The following FAM13B variants were observed in gnomAD, a reference collection of about 807,000 sequenced individuals.
FAM13B encodes family with sequence similarity 13 member B.
In FAM13B, 60 loss-of-function variants were observed where a neutral mutation model predicts 117.3. The observed-to-expected ratio is 0.51, with a 90% CI of 0.42 to 0.63. The LOEUF is 0.63. FAM13B is among the 30% of genes least tolerant of loss of function. The pLI, the probability that FAM13B is intolerant of heterozygous loss-of-function variation, is 0.00. For missense variants in FAM13B, 972 were observed against 1,091.9 expected (o/e 0.89, Z 1.55); for synonymous variants, 332 against 356.1 (o/e 0.93, Z 0.76).
intron 6 of FAM13B, among the ~76,000 whole-genome samples, chr5:138,009,625 C>T (rs1412396006): frequency 1.3e-5 from 2 of 151,866 alleles, no homozygotes; most frequent in African/African-American, 4.8e-5. Flanking sequence ...GCCAACATGG[C>T]GAAAGCCTGT....
At chr5:138,010,947 A>C in intron 6 of FAM13B, 61 bp downstream of exon 6, 2 of 1,350,282 alleles carry the variant, frequency 1.5e-6, no homozygotes, top group Non-Finnish European at 1.9e-6. Context: ...CTTTAAGAGC[A>C]TATTATTCTT....
At chr5:137,952,808 G>A (rs1430152854) in intron 16 of FAM13B, 99 bp from the exon 17 acceptor site, 4 of 683,260 alleles carry the variant, frequency 5.9e-6, no homozygotes, top group African/African-American at 1.8e-5. Context: ...AGCAAAGACT[G>A]CTCAATTCTC....
chr5:138,013,240 G>A (rs369588429), intron 4 of FAM13B, among the ~76,000 whole-genome samples: 14 of 151,786 alleles, frequency 9.2e-5, no homozygotes, highest in African/African-American at 2.4e-4. Context: ...GGTGGCTCAC[G>A]CCTGTAATCC....
chr5:137,958,797 T>C (rs1008897448), intron 13 of FAM13B, among the ~76,000 whole-genome samples: 1 of 152,220 alleles, frequency 6.6e-6, no homozygotes, highest in African/African-American at 2.4e-5. Flanking sequence ...AATATCCATA[T>C]ACCAATCACA....
At chr5:137,990,360 GC>G (rs1326589073) in intron 7 of FAM13B, among the ~76,000 whole-genome samples, 1 of 152,172 alleles carries the variant, frequency 6.6e-6, no homozygotes, top group Non-Finnish European at 1.5e-5. Context: ...TCTCTGGTAA[GC>G]TTTTGCTTTA....
At chr5:137,978,714 G>A (rs1399172283) in intron 10 of FAM13B, among the ~76,000 whole-genome samples, 1 of 151,994 alleles carries the variant, frequency 6.6e-6, no homozygotes, top group Non-Finnish European at 1.5e-5. Flanking sequence ...TTCCTCCAAA[G>A]AGCTAGAATA....
intron 10 of FAM13B, among the ~76,000 whole-genome samples, chr5:137,977,056 C>T (rs1344248074): frequency 6.6e-6 from 1 of 152,004 alleles, no homozygotes; most frequent in Non-Finnish European, 1.5e-5. Flanking sequence ...CAAGGAATAC[C>T]CCTGAGAAAG....
Position 137,940,243 on chromosome 5 carries a change from A to C in FAM13B, c.2796T>G (p.Asp932Glu). Residue 932 changes from aspartate to glutamate, a missense_variant, in exon 24 of 24, where the codon GAT (aspartate) becomes GAG (glutamate). Asp to Glu is a conservative substitution (Grantham distance 45). Transcript: ENST00000689681. Reference protein sequence around the residue: ...RLLEVLISKQDSSKSI With the variant: ...RLLEVLISKQESSKSI Reference sequence around the variant, plus strand: ...ACGTATCTTATATGGATTTTGAAGAATCTTGTTTGCTTATAAGAACTTCAA... The same window carrying C: ...ACGTATCTTATATGGATTTTGAAGACTCTTGTTTGCTTATAAGAACTTCAA... 3.1e-6 allele frequency: 5 copies of C among 1,613,992 alleles called. No homozygotes were observed. The highest frequency in any genetic ancestry group is 3.4e-6 in the Non-Finnish European group (4 of 1,179,912).
chr5:138,006,126 T>C (rs1030696811), intron 7 of FAM13B, among the ~76,000 whole-genome samples: 1 of 152,148 alleles, frequency 6.6e-6, no homozygotes, highest in Non-Finnish European at 1.5e-5. Context: ...CTCGATCTCC[T>C]GACCTCATGA....
intron 1 of FAM13B, among the ~76,000 whole-genome samples, chr5:138,029,531 T>C (rs1373869998): frequency 3.3e-5 from 5 of 152,218 alleles, no homozygotes; most frequent in South Asian, 4.1e-4. Context: ...CCAATCATAA[T>C]GCAGTCTGCT....
intron 1 of FAM13B, among the ~76,000 whole-genome samples, chr5:138,041,795 G>A (rs1005815024): frequency 6.6e-6 from 1 of 151,814 alleles, no homozygotes; most frequent in South Asian, 2.1e-4. Context: ...GGGGTGGGGG[G>A]TGGTACTGAG....
At chr5:138,018,551 A>G (rs1785817058) in intron 3 of FAM13B, 37 bp from the exon 4 acceptor site, 2 of 1,546,642 alleles carry the variant, frequency 1.3e-6, no homozygotes, top group Non-Finnish European at 1.8e-6. Flanking sequence ...ATAAGCTGCA[A>G]TGTCAACTGC....
At chr5:138,033,214 C>A (rs1056598240), upstream of FAM13B, 1 of 266,088 alleles carries the variant, frequency 3.8e-6, no homozygotes, top group African/African-American at 2.3e-5. Flanking sequence ...GCTTGAGGAC[C>A]GCGGTTCCTC....
intron 6 of FAM13B, among the ~76,000 whole-genome samples, chr5:138,008,117 C>A (rs559574710): frequency 1.3e-5 from 2 of 152,242 alleles, no homozygotes; most frequent in South Asian, 2.1e-4. Context: ...CACTCCTAAT[C>A]AACAAGTACA....
At chr5:137,994,890 T>A (rs1779486039) in intron 7 of FAM13B, among the ~76,000 whole-genome samples, 1 of 152,218 alleles carries the variant, frequency 6.6e-6, no homozygotes, top group Admixed American at 6.5e-5. Flanking sequence ...ATATTTTGTA[T>A]CCAAATAAAA....
chr5:137,985,123 T>A (rs1776856928), intron 10 of FAM13B, 134 bp downstream of exon 10: 1 of 902,502 alleles, frequency 1.1e-6, no homozygotes. Context: ...TCTGAAACAA[T>A]GTATATTCTT....
At chr5:137,952,202 T>C (rs771321344) in intron 17 of FAM13B, among the ~76,000 whole-genome samples, 3 of 152,196 alleles carry the variant, frequency 2.0e-5, no homozygotes, top group Non-Finnish European at 4.4e-5. Context: ...TACAATTTAG[T>C]CTTTGTGGTA....
At chr5:137,980,079 A>C (rs1775234806) in intron 10 of FAM13B, among the ~76,000 whole-genome samples, 1 of 151,246 alleles carries the variant, frequency 6.6e-6, no homozygotes, top group African/African-American at 2.4e-5. Context: ...AGGCTGAGGC[A>C]GGAGAATCAC....
chr5:138,040,554 G>A (rs1030426830), intron 1 of FAM13B, among the ~76,000 whole-genome samples: 3 of 150,174 alleles, frequency 2.0e-5, no homozygotes, highest in East Asian at 2.0e-4. Context: ...CCTGGGCGAC[G>A]TAGACACCGT....
Sources: allele counts gnomAD v4.1 joint callset (sites outside exome capture counted in the v4.1 genomes callset), GRCh38; gene constraint gnomAD v4.1.1; transcripts MANE v1.5; gene names NCBI Gene and HGNC (gene_info 2026-07-23, HGNC 2026-07-21).